The following PRIM2 variants were observed in gnomAD, a reference collection of about 807,000 sequenced individuals.
PRIM2 encodes the protein DNA primase large subunit.
Under a neutral mutation model 67.3 loss-of-function variants are expected in PRIM2, and 39 were observed. The ratio of observed to expected loss-of-function variants is 0.58; its 90% CI spans 0.45 to 0.76. The LOEUF (loss-of-function observed/expected upper bound fraction) is 0.76. PRIM2 is among the 30% of genes least tolerant of loss of function. PRIM2 has a pLI of 0.00. For synonymous variants in PRIM2, 143 were observed against 198.7 expected, an observed-to-expected ratio of 0.72 and a Z score of 2.36; for missense variants, 398 against 598.7, an observed-to-expected ratio of 0.66 and a Z score of 3.50.
chr6:57,598,810 T>C (rs1414627151), intron 10 of PRIM2, among the ~76,000 whole-genome samples: 38 of 149,664 alleles, frequency 2.5e-4, no homozygotes, highest in Non-Finnish European at 4.7e-4. Flanking sequence ...TCTAGCACAT[T>C]ACTGAACCTG....
chr6:57,316,080 C>G, upstream of PRIM2, among the ~76,000 whole-genome samples: 1 of 152,292 alleles, frequency 6.6e-6, no homozygotes, highest in African/African-American at 2.4e-5. Context: ...GAGAGTTTCT[C>G]TGGGTTTGAA....
intron 10 of PRIM2, among the ~76,000 whole-genome samples, chr6:57,591,752 A>G (rs1355544350): frequency 6.6e-6 from 1 of 152,136 alleles, no homozygotes; most frequent in Non-Finnish European, 1.5e-5. Context: ...CCCTGAGGAA[A>G]TCCCCCGTTT....
At chr6:57,475,076 AG>A (rs1773443554) in intron 7 of PRIM2, among the ~76,000 whole-genome samples, 1 of 152,212 alleles carries the variant, frequency 6.6e-6, no homozygotes, top group Non-Finnish European at 1.5e-5. Flanking sequence ...TCCGTCATGA[AG>A]GGAGAGCCAG....
intron 7 of PRIM2, among the ~76,000 whole-genome samples, chr6:57,485,066 G>C (rs1274836774): frequency 1.3e-5 from 2 of 152,158 alleles, no homozygotes; most frequent in South Asian, 2.1e-4. Flanking sequence ...GACAAGTTAC[G>C]ATGGAGCCAT....
intron 13 of PRIM2, among the ~76,000 whole-genome samples, chr6:57,640,166 C>T (rs1777204713): frequency 6.6e-6 from 1 of 152,162 alleles, no homozygotes; most frequent in African/African-American, 2.4e-5. Context: ...GCAGAAAAGG[C>T]CTTCAACAAA....
At chr6:57,502,852 C>T (rs1389423551) in intron 7 of PRIM2, among the ~76,000 whole-genome samples, 2 of 152,124 alleles carry the variant, frequency 1.3e-5, no homozygotes, top group African/African-American at 4.8e-5. Context: ...TCTTTTGAAC[C>T]AGGAGGTCAC....
intron 5 of PRIM2, among the ~76,000 whole-genome samples, chr6:57,338,263 G>T (rs1768332665): frequency 6.6e-6 from 1 of 152,084 alleles, no homozygotes; most frequent in South Asian, 2.1e-4. Flanking sequence ...ATTCACAGCT[G>T]AATTCTACCA....
intron 8 of PRIM2, among the ~76,000 whole-genome samples, chr6:57,515,998 CCCACATTCCTTCTCATGCTTT>C (rs1168291664): frequency 6.6e-6 from 1 of 151,592 alleles, no homozygotes; most frequent in Admixed American, 6.6e-5. Flanking sequence ...CTAGAGGCTG[CCCACATTCCTTCTCATGCTTT>C]CCATGATTTC....
chr6:57,349,153 C>T (rs1468835350), intron 5 of PRIM2, among the ~76,000 whole-genome samples: 1 of 152,104 alleles, frequency 6.6e-6, no homozygotes, highest in African/African-American at 2.4e-5. Context: ...TTCTATAAAT[C>T]AACACAAAAT....
chr6:57,479,997 G>A, intron 7 of PRIM2, among the ~76,000 whole-genome samples: 1 of 152,330 alleles, frequency 6.6e-6, no homozygotes, highest in East Asian at 1.9e-4. Context: ...CAATTTGAAA[G>A]GGACCTGAGA....
chr6:57,612,003 T>C (rs1204949564), intron 12 of PRIM2, among the ~76,000 whole-genome samples: 1 of 152,084 alleles, frequency 6.6e-6, no homozygotes, highest in Non-Finnish European at 1.5e-5. Flanking sequence ...ATATAGCTCA[T>C]TAGTGAAATG....
At chr6:57,464,423 A>G (rs1192810847) in intron 7 of PRIM2, among the ~76,000 whole-genome samples, 4 of 151,976 alleles carry the variant, frequency 2.6e-5, no homozygotes, top group Non-Finnish European at 5.9e-5. Context: ...AATTACAGGC[A>G]CGTGCCACCA....
At chr6:57,587,511 A>C in intron 10 of PRIM2, among the ~76,000 whole-genome samples, 1 of 152,056 alleles carries the variant, frequency 6.6e-6, no homozygotes, top group South Asian at 2.1e-4. Flanking sequence ...AAAAATACAA[A>C]AAATTAGCTG....
chr6:57,533,312 C>A (rs1488159410), intron 9 of PRIM2, among the ~76,000 whole-genome samples: 4 of 151,996 alleles, frequency 2.6e-5, no homozygotes, highest in African/African-American at 9.7e-5. Context: ...ATAAGCCAGC[C>A]ATAAATAATC....
At chr6:57,263,558 A>T in the PRIM2 span, among the ~76,000 whole-genome samples, 1 of 151,982 alleles carries the variant, frequency 6.6e-6, no homozygotes, top group Admixed American at 6.6e-5. Flanking sequence ...ATTGAGGCCC[A>T]CTCTAGTAAC....
intron 7 of PRIM2, among the ~76,000 whole-genome samples, chr6:57,399,482 A>G (rs1423787092): frequency 6.6e-6 from 1 of 152,180 alleles, no homozygotes; most frequent in Non-Finnish European, 1.5e-5. Flanking sequence ...GCTATTGTGA[A>G]TAGTGCCGCA....
chr6:57,436,106 T>C (rs1772003656), intron 7 of PRIM2, among the ~76,000 whole-genome samples: 1 of 152,234 alleles, frequency 6.6e-6, no homozygotes, highest in African/African-American at 2.4e-5. Flanking sequence ...CCGTCTTCTC[T>C]TTTCCTGTTT....
At chr6:57,479,679 T>G (rs1233961834) in intron 7 of PRIM2, among the ~76,000 whole-genome samples, 2 of 152,254 alleles carry the variant, frequency 1.3e-5, no homozygotes, top group Non-Finnish European at 2.9e-5. Context: ...AATGCGCCAC[T>G]GTCCTCATTA....
intron 7 of PRIM2, among the ~76,000 whole-genome samples, chr6:57,500,294 C>T (rs1309822352): frequency 2.6e-5 from 4 of 152,210 alleles, no homozygotes; most frequent in Non-Finnish European, 5.9e-5. Context: ...CCAAGCCGTT[C>T]CTCACCCTGC....
Sources: gnomAD v4.1 joint callset for allele counts (sites outside exome capture counted in the v4.1 genomes callset) on GRCh38, gnomAD v4.1.1 for gene constraint, MANE v1.5 for transcripts, NCBI Gene and HGNC (gene_info 2026-07-23, HGNC 2026-07-21) for gene names.